The following CNKSR1 variants were observed in gnomAD, a reference collection of about 807,000 sequenced individuals.
The protein encoded by CNKSR1 is CNK homolog protein 1.
CNKSR1 carries 88 observed loss-of-function variants against 95.6 expected under a neutral mutation model. The ratio of observed to expected loss-of-function variants is 0.92; its 90% CI spans 0.78 to 1.10. CNKSR1 has a LOEUF of 1.10. Among genes scored for constraint, CNKSR1 ranks in the 50% least tolerant of loss-of-function variants. The probability of loss-of-function intolerance (pLI) is 0.00; values close to 1 mark genes in which losing one functional copy is unlikely to be tolerated. For synonymous variants in CNKSR1, 355 were observed against 369.7 expected (o/e 0.96, Z 0.46); for missense variants, 836 against 912.0 (o/e 0.92, Z 1.07).
At chr1:26,181,779 G>A in intron 3 of CNKSR1, 78 bp from the exon 4 acceptor site, 1 of 1,376,224 alleles carries the variant, frequency 7.3e-7, no homozygotes, top group Non-Finnish European at 1.0e-6. Context: ...AAGTCTCTGA[G>A]GTGAGTAATT....
At chr1:26,180,104 CT>C (rs949677350) in intron 1 of CNKSR1, 10 of 351,532 alleles carry the variant, frequency 2.8e-5, no homozygotes, top group African/African-American at 2.1e-4. Flanking sequence ...TCTCAAGCCC[CT>C]GTCTCAAAAA....
intron 8 of CNKSR1, 64 bp downstream of exon 8, chr1:26,183,478 G>A: frequency 1.3e-6 from 2 of 1,552,924 alleles, no homozygotes; most frequent in Non-Finnish European, 1.8e-6. Flanking sequence ...AAGTCTGGTG[G>A]GTGGGGAGGC....
chr1:26,181,368 C>T (rs1051866920), intron 3 of CNKSR1, among the ~76,000 whole-genome samples: 17 of 151,402 alleles, frequency 1.1e-4, no homozygotes, highest in Middle Eastern at 6.8e-3. Flanking sequence ...TGCCAGAGTT[C>T]CCACCCCACC....
chr1:26,184,963 G>T, intron 13 of CNKSR1, 51 bp from the exon 14 acceptor site: 1 of 1,533,264 alleles, frequency 6.5e-7, no homozygotes, highest in Non-Finnish European at 8.8e-7. Context: ...TAGGTTTAGC[G>T]GGGGCACCTT....
chr1:26,189,250 T>C, intron 20 of CNKSR1, 29 bp from the exon 21 acceptor site: 4 of 1,613,268 alleles, frequency 2.5e-6, no homozygotes, highest in South Asian at 2.2e-5. Flanking sequence ...TGGGTGATCA[T>C]GGTCCCTTAG....
intron 6 of CNKSR1, 67 bp downstream of exon 6, chr1:26,182,651 GTCCAGGATCCCACAGAAC>G: frequency 7.3e-7 from 1 of 1,368,266 alleles, no homozygotes; most frequent in Non-Finnish European, 1.0e-6. Context: ...CTGAAATAGG[GTCCAGGATCCCACAGAAC>G]CCTGTGCTGC....
intron 20 of CNKSR1, 142 bp downstream of exon 20, chr1:26,189,095 G>T (rs1238504364): frequency 6.3e-6 from 8 of 1,261,614 alleles, no homozygotes; most frequent in Non-Finnish European, 9.1e-6. Context: ...CTGACAGCGG[G>T]CTCAGCTGTG....
Position 26,180,943 on chromosome 1 carries a change from C to A in CNKSR1, c.392+47C>A, listed in dbSNP as rs773011511. 4 of 1,609,134 alleles carry A rather than the reference C, an allele frequency of 2.5e-6. No individual in the cohort carries two copies. The Admixed American group carries it at 5.0e-5, about 20-fold the overall frequency. Reference sequence around the variant, plus strand: ...GTGAGGGACTATTGTCATCCTTGGCCTCCTTCAGGGCGTGGGAGAGAAAAA... The same window carrying A: ...GTGAGGGACTATTGTCATCCTTGGCATCCTTCAGGGCGTGGGAGAGAAAAA... On this transcript the variant is annotated intron_variant, in intron 3 of 20. Coordinates refer to ENST00000361530, the MANE Select transcript of CNKSR1 (RefSeq NM_006314.3).
chr1:26,189,693 C>T lies in CNKSR1; in HGVS notation c.*145C>T, dbSNP rs2088831390. Reference sequence around the variant, plus strand: ...TCATGGTCTCACCCCGAGCTGACCCCTCTGCCTGGGCTTTGTGCCACCCTC... The same window carrying T: ...TCATGGTCTCACCCCGAGCTGACCCTTCTGCCTGGGCTTTGTGCCACCCTC... On this transcript the variant is annotated 3_prime_UTR_variant, in exon 21 of 21. Transcript: ENST00000361530. 1.3e-6 allele frequency: 1 copy of T among 758,402 alleles called. No individual in the cohort carries two copies. The highest frequency in any genetic ancestry group is 2.4e-6 in the Non-Finnish European group (1 of 412,962). The allele number at this position is 758,402 out of a possible 1,614,324, so 47.0% of individuals were successfully genotyped here. A position where few individuals can be genotyped will look rare whatever the true frequency, so the allele number is the denominator to read the frequency against.
chr1:26,182,105 G>A, intron 4 of CNKSR1, 164 bp downstream of exon 4: 1 of 784,550 alleles, frequency 1.3e-6, no homozygotes, highest in South Asian at 1.5e-5. Flanking sequence ...GGGGCCTGGG[G>A]TCCCCTAGCT....
rs74610384 is a variant in CNKSR1 at position 26,182,109 on chromosome 1, C to G, written c.477+168C>G. The G allele has an allele frequency of 3.1e-3, 2,419 of 770,766 alleles. 53 individuals carry two copies. The African/African-American group carries it at 0.038, about 12-fold the overall frequency. The allele number at this position is 770,766 out of a possible 1,614,324, so 47.7% of individuals were successfully genotyped here. On this transcript the variant is annotated intron_variant, in intron 4 of 20. Coordinates refer to ENST00000361530, the MANE Select transcript of CNKSR1 (RefSeq NM_006314.3). ...TATGGGACAATGGGGCCTGGGGTCC[C>G]CTAGCTGGCAGGGGAATTTTGACAC...
At chr1:26,188,149 A>G (rs1167625314) in intron 16 of CNKSR1, 85 bp from the exon 17 acceptor site, 5 of 1,121,464 alleles carry the variant, frequency 4.5e-6, no homozygotes, top group Non-Finnish European at 6.8e-6. Context: ...GAGGATCATT[A>G]GAAGATGATG....
chr1:26,181,849 C>T lies in CNKSR1; in HGVS notation c.393-8C>T. On this transcript the variant is annotated splice_region_variant and splice_polypyrimidine_tract_variant and intron_variant, in intron 3 of 20. Coordinates refer to ENST00000361530, the MANE Select transcript of CNKSR1 (RefSeq NM_006314.3). ...CCCTTAACCACTGTGCTATTCTTCCCCTGCCAGGTACCTCTTCTCCCACTT... is the reference window on the plus strand; with the variant it reads ...CCCTTAACCACTGTGCTATTCTTCCTCTGCCAGGTACCTCTTCTCCCACTT... 6.2e-7 allele frequency: 1 copy of T among 1,613,944 alleles called. No homozygotes were observed. Among genetic ancestry groups the T allele is most frequent in the East Asian group, 2.2e-5 (1 of 44,878 alleles).
rs2088636379 is a variant in CNKSR1, at chr1:26,180,888, G to A, written c.384G>A (p.Trp128Ter). ...ATGAAGCTGACGCCCTCCTCTTCTG[G>A]CTCAGCAGGTACCCGGGTTGGGGTG... is the stretch of plus-strand genomic sequence containing the variant. ...LLHEADALLF[W>*]LSRYLFSHLN... The change falls in exon 3 of 21, where the codon TGG (tryptophan) becomes TGA (stop). Residue 128 changes from tryptophan (W) to a stop codon, truncating the protein, a stop_gained. Transcript: ENST00000361530. LOFTEE classifies it high-confidence loss of function. The A allele has an allele frequency of 6.2e-7, 1 of 1,614,196 alleles. No individual in the cohort carries two copies.
chr1:26,187,424 A>C lies in CNKSR1; in HGVS notation c.1396A>C (p.Thr466Pro), dbSNP rs769776132. 1.2e-6 allele frequency: 2 copies of C among 1,613,924 alleles called. No homozygotes were observed. The highest frequency in any genetic ancestry group is 2.2e-5 in the South Asian group (2 of 91,078). Residue 466 changes from threonine (T) to proline (P), a missense_variant, in exon 16 of 21, where the codon ACC becomes CCC. Physicochemically the swap from Thr to Pro is conservative, Grantham distance 38. Coordinates refer to ENST00000361530, the MANE Select transcript of CNKSR1 (RefSeq NM_006314.3). Reference sequence around the variant, plus strand: ...ACTACCTGGCAGTGTGTTTCAGCTCACCCATGATGTGTACAAACCCTTCAT... The same window carrying C: ...ACTACCTGGCAGTGTGTTTCAGCTCCCCCATGATGTGTACAAACCCTTCAT... ...DQKKKYVFQLTHDVYKPFIFA... is the reference protein window; with the variant it reads ...DQKKKYVFQLPHDVYKPFIFA...
chr1:26,188,310 A>G lies in CNKSR1; in HGVS notation c.1528+3A>G. 6.2e-7 allele frequency: 1 copy of G among 1,613,926 alleles called. No homozygotes were observed. Among genetic ancestry groups the G allele is most frequent in the Non-Finnish European group, 8.5e-7 (1 of 1,179,886 alleles). On this transcript the variant is annotated splice_donor_region_variant and intron_variant, in intron 17 of 20. Transcript: ENST00000361530. ...GGCCCCCCCACCCCGAGAGGAAGGTAGGTGTCTCGCAGGGTTGAGTGGGAG... is the reference window on the plus strand; with the variant it reads ...GGCCCCCCCACCCCGAGAGGAAGGTGGGTGTCTCGCAGGGTTGAGTGGGAG...
Position 26,183,779 on chromosome 1 carries a change from C to T in CNKSR1, c.804C>T (p.Ala268=). 7 of 1,613,624 alleles carry T rather than the reference C, an allele frequency of 4.3e-6. No homozygotes were observed. Among genetic ancestry groups the T allele is most frequent in the Admixed American group, 1.7e-5 (1 of 59,984 alleles). ...NMVRELLREP[A]GLSLVLKKIP... is the part of the protein sequence containing the mutation. ...TGAGGGAACTGCTGCGGGAGCCAGC[C>T]GGACTCAGCTTAGTGCTGAAGAAGA... Residue 268 remains alanine (A), a synonymous_variant, in exon 9 of 21, where the codon GCC becomes GCT. Coordinates refer to ENST00000361530, the MANE Select transcript of CNKSR1 (RefSeq NM_006314.3).
intron 4 of CNKSR1, 76 bp from the exon 5 acceptor site, chr1:26,182,285 C>A: frequency 2.0e-6 from 3 of 1,475,368 alleles, no homozygotes; most frequent in Middle Eastern, 1.8e-4. Flanking sequence ...CGGAATCCCA[C>A]CCTGCCCCCA....
chr1:26,188,614 C>G lies in CNKSR1; in HGVS notation c.1607C>G (p.Ala536Gly). Residue 536 changes from alanine (A) to glycine (G), a missense_variant, in exon 19 of 21, where the codon GCT becomes GGT. Physicochemically the swap from Ala to Gly is moderately conservative, Grantham distance 60 (BLOSUM62 0). Transcript: ENST00000361530. ...SHSASPSPAQ[A>G]GSPLHGDTSP... ...TGCCTGCAGCCCAGCCCTGCTCAAG[C>G]TGGGAGTCCCCTCCATGGAGACACA... 6.2e-7 allele frequency: 1 copy of G among 1,613,864 alleles called. No individual in the cohort carries two copies. Among genetic ancestry groups the G allele is most frequent in the Non-Finnish European group, 8.5e-7 (1 of 1,179,900 alleles).
Sources: allele counts gnomAD v4.1 joint callset (sites outside exome capture counted in the v4.1 genomes callset), GRCh38; gene constraint gnomAD v4.1.1; transcripts MANE v1.5; gene names NCBI Gene and HGNC (gene_info 2026-07-23, HGNC 2026-07-21).